Variants in CPQ observed in about 807,000 individuals in gnomAD.
CPQ encodes the protein carboxypeptidase Q.
Under a neutral mutation model 45.7 loss-of-function variants are expected in CPQ, and 37 were observed. The ratio of observed to expected loss-of-function variants is 0.81; its 90% CI spans 0.62 to 1.07. CPQ has a LOEUF of 1.07. CPQ is among the 50% of genes least tolerant of loss of function. CPQ has a pLI of 0.00. For missense variants in CPQ, 537 were observed against 572.9 expected (o/e 0.94, Z 0.64); for synonymous variants, 186 against 205.8 (o/e 0.90, Z 0.82).
intron 7 of CPQ, among the ~76,000 whole-genome samples, chr8:97,128,005 T>C (rs1210934796): frequency 6.6e-6 from 1 of 152,244 alleles, no homozygotes; most frequent in Non-Finnish European, 1.5e-5. Context: ...TGTGTCTTAT[T>C]GCTGTAGTAG....
At position 96,684,772 on chromosome 8, in the gene CPQ, G is replaced by A. The variant is rs968376272; in HGVS notation, c.-35+39370G>A. On this transcript the variant is annotated intron_variant, in intron 1 of 7. Transcript: ENST00000220763. ...GCCCCCTGATAGTGTGGGGAGGTAC[G>A]AGCAACAGCAGGTGGAGCAGATTGA... Among the ~76,000 whole-genome samples the A allele has an allele frequency of 6.6e-5, 10 of 152,112 alleles. No homozygotes were observed. In the East Asian group the frequency reaches 9.6e-4, roughly 15 times the overall value.
intron 7 of CPQ, among the ~76,000 whole-genome samples, chr8:97,068,840 TAGGGC>T (rs1215143126): frequency 2.0e-5 from 3 of 152,190 alleles, no homozygotes; most frequent in Non-Finnish European, 2.9e-5. Flanking sequence ...ATACTGCCCT[TAGGGC>T]AGGAGTCACC....
intron 4 of CPQ, among the ~76,000 whole-genome samples, chr8:96,951,565 T>TA (rs1231181566): frequency 6.6e-6 from 1 of 152,266 alleles, no homozygotes; most frequent in African/African-American, 2.4e-5. Context: ...GCTTGAGCTA[T>TA]AGCTTTTTCC....
chr8:96,788,527 C>T (rs1001406297), intron 2 of CPQ, among the ~76,000 whole-genome samples: 2 of 152,028 alleles, frequency 1.3e-5, no homozygotes, highest in African/African-American at 4.8e-5. Flanking sequence ...TGTGCTGAGT[C>T]ATGTCTTCTT....
chr8:96,841,760 T>A (rs941637443), intron 3 of CPQ, among the ~76,000 whole-genome samples: 3 of 152,240 alleles, frequency 2.0e-5, no homozygotes, highest in African/African-American at 4.8e-5. Flanking sequence ...AGTTTGAAGA[T>A]GACTAAGAGC....
chr8:96,885,535 T>G (rs1812292311), intron 4 of CPQ, among the ~76,000 whole-genome samples: 1 of 152,146 alleles, frequency 6.6e-6, no homozygotes, highest in South Asian at 2.1e-4. Flanking sequence ...AGTAAAGCAG[T>G]TAGCATGTAA....
chr8:96,811,623 A>G (rs1331820357), intron 2 of CPQ, among the ~76,000 whole-genome samples: 5 of 152,162 alleles, frequency 3.3e-5, no homozygotes, highest in Non-Finnish European at 7.4e-5. Context: ...AAAACAAAAA[A>G]ACTCTATGTT....
chr8:96,824,893 TAATTC>T (rs1198723971), intron 2 of CPQ, among the ~76,000 whole-genome samples: 1 of 152,090 alleles, frequency 6.6e-6, no homozygotes, highest in Non-Finnish European at 1.5e-5. Flanking sequence ...GTGGGATATT[TAATTC>T]AATTCAATTC....
At chr8:97,132,864 A>G (rs1811979542) in intron 7 of CPQ, 1 of 152,250 alleles carries the variant, frequency 6.6e-6, no homozygotes, top group South Asian at 2.1e-4. Context: ...TTGACGTCAG[A>G]CCATGAAAAG....
chr8:97,061,757 A>G (rs1370870022), intron 6 of CPQ, among the ~76,000 whole-genome samples: 1 of 152,164 alleles, frequency 6.6e-6, no homozygotes, highest in Non-Finnish European at 1.5e-5. Context: ...ATCCTTGAAA[A>G]TCTGAGAAGT....
rs542034960 is a variant in CPQ, at chr8:96,874,310, C to T, written c.642-5488C>T. Reference sequence around the variant, plus strand: ...TATTTTGACTTTTATAATAGAAGTTCTATTTGGGATATAATTCAGACACAA... The same window carrying T: ...TATTTTGACTTTTATAATAGAAGTTTTATTTGGGATATAATTCAGACACAA... On this transcript the variant is annotated intron_variant, in intron 3 of 7. Coordinates refer to ENST00000220763, the MANE Select transcript of CPQ (RefSeq NM_016134.4). Among the ~76,000 whole-genome samples, 6 of 151,780 alleles carry T rather than the reference C, an allele frequency of 4.0e-5. No individual in the cohort carries two copies. The South Asian group carries it at 1.0e-3, about 26-fold the overall frequency.
At chr8:96,749,561 G>A (rs1023141203) in intron 1 of CPQ, among the ~76,000 whole-genome samples, 1 of 152,188 alleles carries the variant, frequency 6.6e-6, no homozygotes, top group Non-Finnish European at 1.5e-5. Flanking sequence ...GGATATTAGA[G>A]AGGGAAGTAG....
At chr8:96,654,571 G>A (rs767605389) in intron 1 of CPQ, among the ~76,000 whole-genome samples, 25 of 152,208 alleles carry the variant, frequency 1.6e-4, no homozygotes, top group East Asian at 3.9e-4. Context: ...GAGATGTTGC[G>A]TTTGGGGGCA....
At chr8:96,659,967 A>C (rs1815680768) in intron 1 of CPQ, among the ~76,000 whole-genome samples, 1 of 152,208 alleles carries the variant, frequency 6.6e-6, no homozygotes, top group Non-Finnish European at 1.5e-5. Flanking sequence ...CCTCTCTCAG[A>C]AGACCTACAT....
chr8:96,979,139 T>G (rs1813841163), intron 5 of CPQ, among the ~76,000 whole-genome samples: 1 of 145,962 alleles, frequency 6.9e-6, no homozygotes, highest in African/African-American at 2.5e-5. Context: ...AATGGGTGAG[T>G]GAGGAGGGGG....
At chr8:96,861,275 A>G (rs1379668538) in intron 3 of CPQ, among the ~76,000 whole-genome samples, 1 of 152,164 alleles carries the variant, frequency 6.6e-6, no homozygotes, top group African/African-American at 2.4e-5. Flanking sequence ...GTTGTCTAAG[A>G]AAGGGCTTTG....
intron 3 of CPQ, among the ~76,000 whole-genome samples, chr8:96,837,822 A>C (rs1487829475): frequency 6.6e-6 from 1 of 151,742 alleles, no homozygotes; most frequent in Non-Finnish European, 1.5e-5. Context: ...ATGGTCCTTT[A>C]TTGCTTTTTT....
intron 1 of CPQ, among the ~76,000 whole-genome samples, chr8:96,658,401 A>G (rs1395545580): frequency 6.6e-6 from 1 of 152,270 alleles, no homozygotes; most frequent in African/African-American, 2.4e-5. Flanking sequence ...ACTTTGGGCC[A>G]AACACATATA....
chr8:97,110,874 A>G (rs2130593082), intron 7 of CPQ, among the ~76,000 whole-genome samples: 1 of 152,206 alleles, frequency 6.6e-6, no homozygotes, highest in South Asian at 2.1e-4. Context: ...AACCAAATCA[A>G]TATGATCCGA....
Sources: allele counts gnomAD v4.1 joint callset (sites outside exome capture counted in the v4.1 genomes callset), GRCh38; gene constraint gnomAD v4.1.1; transcripts MANE v1.5; gene names NCBI Gene and HGNC (gene_info 2026-07-23, HGNC 2026-07-21).